The following HTR1F variants were observed in gnomAD, a reference collection of about 807,000 sequenced individuals.
The protein encoded by HTR1F is 5-hydroxytryptamine receptor 1F.
HTR1F carries 17 observed loss-of-function variants against 24.0 expected under a neutral mutation model. The ratio of observed to expected loss-of-function variants is 0.71; its 90% confidence interval spans 0.48 to 1.06. The LOEUF (loss-of-function observed/expected upper bound fraction) is 1.06. HTR1F is among the 50% of genes least tolerant of loss of function. The pLI, the probability that HTR1F is intolerant of heterozygous loss-of-function variation, is 0.00. For missense variants in HTR1F, 391 were observed against 427.8 expected (o/e 0.91, Z 0.76); for synonymous variants, 186 against 156.8 (o/e 1.19, Z -1.39).
At chr3:87,919,693 G>T (rs1483289998) in intron 2 of HTR1F, among the ~76,000 whole-genome samples, 1 of 151,984 alleles carries the variant, frequency 6.6e-6, no homozygotes, top group East Asian at 1.9e-4. Flanking sequence ...AGCAAGAATG[G>T]CCATAATAAA....
chr3:87,908,645 C>A (rs1480883976), intron 2 of HTR1F, among the ~76,000 whole-genome samples: 5 of 151,976 alleles, frequency 3.3e-5, no homozygotes, highest in African/African-American at 1.2e-4. Flanking sequence ...CTTTTTAAAT[C>A]TGGCACCCTA....
At chr3:87,856,966 C>A (rs1705211727) in intron 2 of HTR1F, among the ~76,000 whole-genome samples, 1 of 152,130 alleles carries the variant, frequency 6.6e-6, no homozygotes, top group Non-Finnish European at 1.5e-5. Flanking sequence ...ACTGATTCTG[C>A]CAATGCTTTC....
intron 2 of HTR1F, among the ~76,000 whole-genome samples, chr3:87,968,875 C>T (rs771461823): frequency 2.0e-5 from 3 of 152,168 alleles, no homozygotes; most frequent in Non-Finnish European, 2.9e-5. Flanking sequence ...AGGCCAAGGG[C>T]CCCCCTGTTG....
At chr3:87,838,500 A>T (rs888130699) in intron 2 of HTR1F, among the ~76,000 whole-genome samples, 1 of 152,106 alleles carries the variant, frequency 6.6e-6, no homozygotes, top group African/African-American at 2.4e-5. Flanking sequence ...AGTATGTGAA[A>T]TTTTGAGGTT....
chr3:87,797,325 A>G (rs771640564), intron 1 of HTR1F, among the ~76,000 whole-genome samples: 1 of 152,198 alleles, frequency 6.6e-6, no homozygotes, highest in Non-Finnish European at 1.5e-5. Flanking sequence ...TGTACATTCA[A>G]TGGAATACTA....
chr3:87,910,806 A>G (rs1166381078), intron 2 of HTR1F, among the ~76,000 whole-genome samples: 1 of 151,996 alleles, frequency 6.6e-6, no homozygotes, highest in African/African-American at 2.4e-5. Flanking sequence ...ATTGAAATCA[A>G]TACTTTAAAA....
chr3:87,802,312 C>T (rs1704008263), intron 1 of HTR1F, among the ~76,000 whole-genome samples: 1 of 125,328 alleles, frequency 8.0e-6, no homozygotes, highest in South Asian at 2.9e-4. Flanking sequence ...TCCTTCCTTC[C>T]TTCCTCCCTT....
intron 2 of HTR1F, among the ~76,000 whole-genome samples, chr3:87,916,289 T>TA (rs1703890008): frequency 8.8e-5 from 2 of 22,652 alleles, no homozygotes; most frequent in Non-Finnish European, 1.8e-4. Flanking sequence ...AAAACAAAAA[T>TA]ACAGTTAAAA....
chr3:87,878,467 C>T (rs1705718208), intron 2 of HTR1F, among the ~76,000 whole-genome samples: 1 of 152,142 alleles, frequency 6.6e-6, no homozygotes, highest in African/African-American at 2.4e-5. Context: ...GAATTTCTGC[C>T]TATCTTCAAA....
chr3:87,810,677 G>T (rs1264878396), intron 1 of HTR1F, among the ~76,000 whole-genome samples: 1 of 152,186 alleles, frequency 6.6e-6, no homozygotes, highest in Non-Finnish European at 1.5e-5. Context: ...CCAGGAAGAT[G>T]TTGGTATCAC....
intron 2 of HTR1F, among the ~76,000 whole-genome samples, chr3:87,962,002 G>A (rs1705073246): frequency 6.6e-6 from 1 of 152,004 alleles, no homozygotes; most frequent in Admixed American, 6.6e-5. Context: ...AGATTTAACT[G>A]AGAATTCTTA....
chr3:87,796,589 A>T (rs1159407299), intron 1 of HTR1F, among the ~76,000 whole-genome samples: 2 of 152,206 alleles, frequency 1.3e-5, no homozygotes, highest in Non-Finnish European at 2.9e-5. Flanking sequence ...CATAAAAGGA[A>T]ACTGAGAAGG....
intron 2 of HTR1F, among the ~76,000 whole-genome samples, chr3:87,922,152 TAA>T (rs1704024700): frequency 6.6e-6 from 1 of 152,010 alleles, no homozygotes. Context: ...CTGCAATGTA[TAA>T]GAGTTTCCCT....
chr3:87,980,495 G>A (rs1293800217), intron 2 of HTR1F, among the ~76,000 whole-genome samples: 1 of 152,336 alleles, frequency 6.6e-6, no homozygotes, highest in African/African-American at 2.4e-5. Flanking sequence ...GCAGCCATGG[G>A]TGGGCCTGGA....
chr3:87,907,178 C>T (rs902033072), intron 2 of HTR1F, among the ~76,000 whole-genome samples: 9 of 146,620 alleles, frequency 6.1e-5, no homozygotes, highest in African/African-American at 2.4e-4. Flanking sequence ...CCCTTTTTAC[C>T]ACATCTATGC....
At chr3:87,954,304 C>A (rs1704898118) in intron 2 of HTR1F, among the ~76,000 whole-genome samples, 1 of 151,386 alleles carries the variant, frequency 6.6e-6, no homozygotes, top group Non-Finnish European at 1.5e-5. Context: ...TCACTTGTAC[C>A]CTATAAATAT....
At chr3:87,893,551 C>A (rs1428299080) in intron 2 of HTR1F, among the ~76,000 whole-genome samples, 2 of 152,182 alleles carry the variant, frequency 1.3e-5, no homozygotes, top group Non-Finnish European at 2.9e-5. Flanking sequence ...TAGAGGTAGG[C>A]ACAATGTCAA....
Position 87,792,815 on chromosome 3 carries a change from G to A in HTR1F, c.-187G>A, listed in dbSNP as rs929761327. On this transcript the variant is annotated 5_prime_UTR_variant, in exon 1 of 3. Coordinates refer to ENST00000319595, the MANE Select transcript of HTR1F (RefSeq NM_001322209.2). Reference sequence around the variant, plus strand: ...CGGGGCTGGGGGCGCCACCTTGCCAGCTCCGACTGCTGCAGGGAGCGCCAG... The same window carrying A: ...CGGGGCTGGGGGCGCCACCTTGCCAACTCCGACTGCTGCAGGGAGCGCCAG... 1.5e-4 allele frequency among the ~76,000 whole-genome samples: 23 copies of A among 152,322 alleles called. No homozygotes were observed. Among genetic ancestry groups the A allele is most frequent in the African/African-American group, 5.5e-4 (23 of 41,588 alleles).
chr3:87,819,116 T>C (rs1704305512), intron 1 of HTR1F, among the ~76,000 whole-genome samples: 1 of 152,228 alleles, frequency 6.6e-6, no homozygotes, highest in Non-Finnish European at 1.5e-5. Flanking sequence ...GCACACTGTT[T>C]TACTTCATTT....
Sources: allele counts gnomAD v4.1 joint callset (sites outside exome capture counted in the v4.1 genomes callset), GRCh38; gene constraint gnomAD v4.1.1; transcripts MANE v1.5; gene names NCBI Gene and HGNC (gene_info 2026-07-23, HGNC 2026-07-21).